Variants in FILIP1L observed in about 807,000 individuals in gnomAD.
The protein encoded by FILIP1L is filamin A interacting protein 1 like.
Under a neutral mutation model 96.6 loss-of-function variants are expected in FILIP1L, and 55 were observed. The ratio of observed to expected loss-of-function variants is 0.57; its 90% confidence interval spans 0.46 to 0.71. The LOEUF is 0.71. FILIP1L is among the 30% of genes least tolerant of loss of function. The pLI is 0.00. For missense variants in FILIP1L, 1,304 were observed against 1,321.2 expected, an observed-to-expected ratio of 0.99 and a Z score of 0.20; for synonymous variants, 467 against 473.9, an observed-to-expected ratio of 0.99 and a Z score of 0.19.
chr3:100,046,564 GGTT>G (rs1231615382), intron 1 of FILIP1L, among the ~76,000 whole-genome samples: 1 of 151,914 alleles, frequency 6.6e-6, no homozygotes, highest in Non-Finnish European at 1.5e-5. Context: ...TGTTACAATT[GGTT>G]GTTGTTGATG....
chr3:99,970,738 C>T (rs560705016), intron 1 of FILIP1L, among the ~76,000 whole-genome samples: 15 of 152,264 alleles, frequency 9.9e-5, no homozygotes, highest in Admixed American at 4.6e-4. Context: ...CTTAAGAGAG[C>T]GTGCTACGAT....
At chr3:99,919,945 A>T (rs1227534719) in intron 4 of FILIP1L, among the ~76,000 whole-genome samples, 1 of 152,252 alleles carries the variant, frequency 6.6e-6, no homozygotes, top group Non-Finnish European at 1.5e-5. Flanking sequence ...AAACTTGGAC[A>T]GAAAAGGAAC....
At chr3:99,941,150 T>TTTGCCAAATAATA (rs1707838487) in intron 1 of FILIP1L, among the ~76,000 whole-genome samples, 1 of 152,238 alleles carries the variant, frequency 6.6e-6, no homozygotes, top group Non-Finnish European at 1.5e-5. Context: ...AGCTTCTGTT[T>TTTGCCAAATAATA]TTGCCAAATA....
At chr3:99,926,070 G>C (rs551591180) in intron 3 of FILIP1L, among the ~76,000 whole-genome samples, 9 of 152,346 alleles carry the variant, frequency 5.9e-5, no homozygotes, top group African/African-American at 2.2e-4. Context: ...GTTTGCCTTT[G>C]TCATAAAAGA....
intron 4 of FILIP1L, among the ~76,000 whole-genome samples, chr3:99,903,822 C>A (rs1237742439): frequency 2.0e-5 from 3 of 152,128 alleles, no homozygotes; most frequent in Non-Finnish European, 4.4e-5. Context: ...CTACACAATG[C>A]TCTTTTCTTA....
At chr3:100,104,961 A>G (rs1220088981) in intron 1 of FILIP1L, among the ~76,000 whole-genome samples, 1 of 152,080 alleles carries the variant, frequency 6.6e-6, no homozygotes, top group Non-Finnish European at 1.5e-5. Context: ...CATTAACTCT[A>G]ATCTTTCTGT....
chr3:99,940,929 G>A (rs1278371137), intron 1 of FILIP1L, among the ~76,000 whole-genome samples: 11 of 152,196 alleles, frequency 7.2e-5, no homozygotes, highest in Non-Finnish European at 1.5e-5. Context: ...GGTTGTTGTA[G>A]AGAAGATGTT....
rs1311319291 is a variant in FILIP1L, at chr3:99,910,272, T to C, written c.605+13958A>G. Reference sequence around the variant, plus strand: ...ACTTCATCCAGTGAGTATGTTTACCTAAATGTGTCATCAAACTTCTCAGCT... The same window carrying C: ...ACTTCATCCAGTGAGTATGTTTACCCAAATGTGTCATCAAACTTCTCAGCT... On this transcript the variant is annotated intron_variant, in intron 4 of 5. Coordinates refer to ENST00000477258, the MANE Select transcript of FILIP1L (RefSeq NM_001387850.1). Among the ~76,000 whole-genome samples, 5 of 137,060 alleles carry C rather than the reference T, an allele frequency of 3.6e-5. 1 individual carries two copies. The highest frequency in any genetic ancestry group is 5.0e-5 in the African/African-American group (2 of 40,128). 89.9% of individuals were successfully genotyped at this position (137,060 alleles called of 152,430 possible).
intron 4 of FILIP1L, among the ~76,000 whole-genome samples, chr3:99,878,997 C>T (rs1207905685): frequency 2.0e-5 from 3 of 152,202 alleles, no homozygotes; most frequent in Non-Finnish European, 4.4e-5. Context: ...CACTGTGCCT[C>T]AAAATTGGAT....
chr3:99,922,436 C>A (rs1005142759), intron 4 of FILIP1L, among the ~76,000 whole-genome samples: 4 of 152,088 alleles, frequency 2.6e-5, no homozygotes, highest in Non-Finnish European at 4.4e-5. Flanking sequence ...CTTTCCCCTG[C>A]CCCCTCTCTG....
chr3:99,956,347 C>T (rs898730703), intron 1 of FILIP1L, among the ~76,000 whole-genome samples: 1 of 152,216 alleles, frequency 6.6e-6, no homozygotes, highest in African/African-American at 2.4e-5. Context: ...CTGTCCCCTC[C>T]ATCTAAGCTT....
intron 4 of FILIP1L, chr3:99,876,333 C>T (rs924852348): frequency 4.2e-6 from 2 of 475,412 alleles, no homozygotes; most frequent in African/African-American, 4.2e-5. Context: ...CGCGGATGTT[C>T]CGGCCGTGTG....
At chr3:99,859,737 T>C (rs1055575071) in intron 4 of FILIP1L, among the ~76,000 whole-genome samples, 24 of 149,950 alleles carry the variant, frequency 1.6e-4, no homozygotes, top group African/African-American at 5.7e-4. Flanking sequence ...AGTAATTACA[T>C]GGAATTTATT....
intron 1 of FILIP1L, among the ~76,000 whole-genome samples, chr3:100,011,362 G>A (rs1454351301): frequency 1.3e-5 from 2 of 152,104 alleles, no homozygotes; most frequent in Non-Finnish European, 2.9e-5. Flanking sequence ...CATGCCCAGC[G>A]TGTTTCTTGA....
At chr3:99,888,535 G>A (rs114492955) in intron 4 of FILIP1L, among the ~76,000 whole-genome samples, 1,762 of 152,274 alleles carry the variant, frequency 0.012, 19 homozygotes, top group African/African-American at 0.026. Context: ...ATATTAATGA[G>A]TTGGTTCGTT....
intron 1 of FILIP1L, among the ~76,000 whole-genome samples, chr3:99,985,312 G>A (rs1250079594): frequency 6.6e-6 from 1 of 152,086 alleles, no homozygotes; most frequent in African/African-American, 2.4e-5. Flanking sequence ...TGGGCAGATT[G>A]CATGAGCCCA....
intron 5 of FILIP1L, among the ~76,000 whole-genome samples, chr3:99,841,274 C>T (rs1943118197): frequency 6.6e-6 from 1 of 152,128 alleles, no homozygotes; most frequent in Admixed American, 6.5e-5. Flanking sequence ...TACATTGTAC[C>T]TTTGTTTCTT....
chr3:100,072,339 A>G lies in FILIP1L; in HGVS notation c.-11+41714T>C, dbSNP rs958036679. On this transcript the variant is annotated intron_variant, in intron 1 of 5. Coordinates refer to ENST00000477258, the MANE Select transcript of FILIP1L (RefSeq NM_001387850.1). Reference sequence around the variant, plus strand: ...CCCTAGTTCATTCTGTGCATTTCCAAATCTGGGCTCAAACTTGAACATGGC... The same window carrying G: ...CCCTAGTTCATTCTGTGCATTTCCAGATCTGGGCTCAAACTTGAACATGGC... 4.6e-5 allele frequency among the ~76,000 whole-genome samples: 7 copies of G among 152,184 alleles called. No homozygotes were observed. The East Asian group carries it at 1.3e-3, about 29-fold the overall frequency.
At chr3:99,942,233 A>T (rs1231474274) in intron 1 of FILIP1L, among the ~76,000 whole-genome samples, 4 of 151,886 alleles carry the variant, frequency 2.6e-5, no homozygotes, top group Non-Finnish European at 5.9e-5. Flanking sequence ...TGTTAATCTT[A>T]TTAGATGTGT....
Sources: gnomAD v4.1 joint callset for allele counts (sites outside exome capture counted in the v4.1 genomes callset) on GRCh38, gnomAD v4.1.1 for gene constraint, MANE v1.5 for transcripts, NCBI Gene and HGNC (gene_info 2026-07-23, HGNC 2026-07-21) for gene names.